Variants in FAM117B observed in about 807,000 individuals in gnomAD.
The protein encoded by FAM117B is protein FAM117B.
Under a neutral mutation model 52.8 loss-of-function variants are expected in FAM117B, and 22 were observed. The ratio of observed to expected loss-of-function variants is 0.42; its 90% CI spans 0.30 to 0.59. The LOEUF is 0.59. Among genes scored for constraint, FAM117B ranks in the 20% least tolerant of loss-of-function variants. The pLI, the probability that FAM117B is intolerant of heterozygous loss-of-function variation, is 0.22. For missense variants in FAM117B, 678 were observed against 802.6 expected, an observed-to-expected ratio of 0.84 and a Z score of 1.88; for synonymous variants, 309 against 324.1, an observed-to-expected ratio of 0.95 and a Z score of 0.50.
rs1691985516 is a variant in FAM117B at position 202,766,718 on chromosome 2, C to T, written c.*954C>T. On this transcript the variant is annotated 3_prime_UTR_variant, in exon 8 of 8. Transcript: ENST00000392238. ...TATATATATATCACACGCTCTCCCT[C>T]CTTTACCACAGGTGTCATTCTACCT... is the stretch of plus-strand genomic sequence containing the variant. 6.6e-6 allele frequency: 1 copy of T among 152,236 alleles called. No individual in the cohort carries two copies. The highest frequency in any genetic ancestry group is 2.4e-5 in the African/African-American group (1 of 41,418). The allele number at this position is 152,236 out of a possible 1,614,324, so 9.4% of individuals were successfully genotyped here.
At position 202,635,433 on chromosome 2, in the gene FAM117B, CGGT is replaced by C. The variant is rs1689664435; in HGVS notation, c.249_251del (p.Gly84del). On this transcript the variant is annotated inframe_deletion, in exon 1 of 8. Coordinates refer to ENST00000392238, the MANE Select transcript of FAM117B (RefSeq NM_173511.4). The stretch of plus-strand genomic sequence containing the variant: ...CAGGCCCCGCAGGCGGCGGCGGCGG[CGGT>C]GGCCCGCGCACCGCCTCGCGCAGCA... 7 of 1,205,250 alleles carry C rather than the reference CGGT, an allele frequency of 5.8e-6. No individual in the cohort carries two copies. The highest frequency in any genetic ancestry group is 7.4e-5 in the South Asian group (2 of 27,158). The allele number at this position is 1,205,250 out of a possible 1,614,324, so 74.7% of individuals were successfully genotyped here.
At chr2:202,720,491 A>G (rs547110672) in intron 2 of FAM117B, among the ~76,000 whole-genome samples, 1 of 151,716 alleles carries the variant, frequency 6.6e-6, no homozygotes, top group South Asian at 2.1e-4. Flanking sequence ...TTTGATATGT[A>G]TCTCCTAAGA....
intron 1 of FAM117B, among the ~76,000 whole-genome samples, chr2:202,651,160 C>G (rs182278531): frequency 6.1e-4 from 92 of 149,988 alleles, no homozygotes; most frequent in Non-Finnish European, 1.3e-3. Context: ...CCTCCCAGTT[C>G]AAGCAATTCT....
intron 1 of FAM117B, among the ~76,000 whole-genome samples, chr2:202,667,509 G>C (rs1043066043): frequency 4.6e-5 from 7 of 151,934 alleles, no homozygotes; most frequent in Admixed American, 2.0e-4. Context: ...CGCATGTGCT[G>C]TCTCTTTTTC....
chr2:202,705,195 A>C (rs542112789), intron 2 of FAM117B, among the ~76,000 whole-genome samples: 6 of 152,044 alleles, frequency 3.9e-5, no homozygotes, highest in Non-Finnish European at 7.4e-5. Flanking sequence ...AATCCCAGCT[A>C]CTCGGGAAGC....
At chr2:202,689,436 C>T (rs1690589763) in intron 1 of FAM117B, among the ~76,000 whole-genome samples, 1 of 152,144 alleles carries the variant, frequency 6.6e-6, no homozygotes, top group Admixed American at 6.5e-5. Flanking sequence ...GAGCAACACC[C>T]TGTCTAAAAA....
chr2:202,699,257 T>C (rs1690758601), intron 2 of FAM117B, among the ~76,000 whole-genome samples: 1 of 151,288 alleles, frequency 6.6e-6, no homozygotes, highest in South Asian at 2.1e-4. Flanking sequence ...TGAAACTCTG[T>C]CTCTACTAAA....
chr2:202,703,865 C>T (rs902861118), intron 2 of FAM117B, among the ~76,000 whole-genome samples: 3 of 152,074 alleles, frequency 2.0e-5, no homozygotes, highest in African/African-American at 4.8e-5. Flanking sequence ...TATGATAATT[C>T]GATGTTTAGT....
In FAM117B at chr2:202,635,285, A is replaced by G; in HGVS notation, c.98A>G (p.Gln33Arg). The change falls in exon 1 of 8, where the codon CAG becomes CGG. Residue 33 changes from glutamine (Q) to arginine (R), a missense_variant. This residue lies in a region of FAM117B where 583 missense variants were observed against 644.8 expected (regional missense o/e 0.90). Transcript: ENST00000392238. ...GCCGGGGGACCCGGGAGCCGCTTGC[A>G]GCCCATGAGGGCGACGGTTCCGTTC... Reference protein sequence around the residue: ...ATAGGPGSRLQPMRATVPFQL... With the variant: ...ATAGGPGSRLRPMRATVPFQL... 1 of 1,407,980 alleles carries G rather than the reference A, an allele frequency of 7.1e-7. No individual in the cohort carries two copies. The highest frequency in any genetic ancestry group is 1.5e-5 in the South Asian group (1 of 68,306). 87.2% of individuals were successfully genotyped at this position (1,407,980 alleles called of 1,614,324 possible). A position where few individuals can be genotyped will look rare whatever the true frequency, so the allele number is the denominator to read the frequency against.
intron 1 of FAM117B, among the ~76,000 whole-genome samples, chr2:202,681,479 A>G (rs1690462015): frequency 1.3e-5 from 2 of 152,370 alleles, no homozygotes; most frequent in South Asian, 2.1e-4. Context: ...AACTGAGCGT[A>G]GGAAAGCTAA....
intron 1 of FAM117B, among the ~76,000 whole-genome samples, chr2:202,641,264 G>C (rs1024137963): frequency 1.1e-4 from 16 of 152,350 alleles, no homozygotes; most frequent in African/African-American, 3.8e-4. Flanking sequence ...TTTGCAGTTG[G>C]ATCTTAGAGG....
At chr2:202,661,157 A>T (rs1451549575) in intron 1 of FAM117B, among the ~76,000 whole-genome samples, 5 of 152,188 alleles carry the variant, frequency 3.3e-5, no homozygotes, top group African/African-American at 4.8e-5. Flanking sequence ...TTTGTTCCCA[A>T]ATCTAGCTGC....
chr2:202,640,340 A>ATATATATATT (rs1371719386), intron 1 of FAM117B, among the ~76,000 whole-genome samples: 1 of 105,734 alleles, frequency 9.5e-6, no homozygotes, highest in African/African-American at 4.3e-5. Flanking sequence ...ATATATATAT[A>ATATATATATT]TATGGCAAGT....
In FAM117B at chr2:202,744,849, T is replaced by G. The variant is rs1355604255; in HGVS notation, c.961-10689T>G. On this transcript the variant is annotated intron_variant, in intron 4 of 7. Coordinates refer to ENST00000392238, the MANE Select transcript of FAM117B (RefSeq NM_173511.4). ...AAAATTAGCTGGGCATGGTGGCAGG[T>G]TCCTGTAATCCCAGCTACTCGGGAG... 2.0e-5 allele frequency among the ~76,000 whole-genome samples: 3 copies of G among 150,084 alleles called. No homozygotes were observed. The East Asian group carries it at 5.9e-4, about 29-fold the overall frequency.
At chr2:202,702,370 G>A (rs1690807027) in intron 2 of FAM117B, among the ~76,000 whole-genome samples, 3 of 151,932 alleles carry the variant, frequency 2.0e-5, no homozygotes, top group African/African-American at 7.3e-5. Context: ...CCGCCTGGGC[G>A]ACAGAGTGAG....
chr2:202,741,948 C>T (rs1434035046), intron 4 of FAM117B, among the ~76,000 whole-genome samples: 1 of 152,114 alleles, frequency 6.6e-6, no homozygotes, highest in Non-Finnish European at 1.5e-5. Context: ...TTCCAATTTA[C>T]AGTAGCAGCA....
At chr2:202,640,701 C>T (rs1011725771) in intron 1 of FAM117B, among the ~76,000 whole-genome samples, 5 of 151,978 alleles carry the variant, frequency 3.3e-5, no homozygotes, top group Non-Finnish European at 5.9e-5. Flanking sequence ...CCTCTGCCTC[C>T]GGGGTTCGGG....
intron 1 of FAM117B, among the ~76,000 whole-genome samples, chr2:202,645,804 C>G (rs1689853769): frequency 6.6e-6 from 1 of 151,838 alleles, no homozygotes; most frequent in Admixed American, 6.6e-5. Flanking sequence ...CGGGGTTTTA[C>G]CAAATTGGCC....
At chr2:202,694,350 C>T (rs1690677577) in intron 1 of FAM117B, among the ~76,000 whole-genome samples, 3 of 151,826 alleles carry the variant, frequency 2.0e-5, no homozygotes, top group Admixed American at 1.3e-4. Context: ...GCCACCACAC[C>T]TGGCTAATTT....
Sources: allele counts gnomAD v4.1 joint callset (sites outside exome capture counted in the v4.1 genomes callset), GRCh38; gene constraint gnomAD v4.1.1; regional missense constraint gnomAD v4.1.1; transcripts MANE v1.5; gene names NCBI Gene and HGNC (gene_info 2026-07-23, HGNC 2026-07-21).